The following FSAF1 variants were observed in gnomAD, a reference collection of about 807,000 sequenced individuals.
The protein encoded by FSAF1 is 40S small subunit processome assembly factor 1, also known as uncharacterized protein C1orf131.
At chr1:231,226,309 T>A in the FSAF1 span, 1 of 194,670 alleles carries the variant, frequency 5.1e-6, no homozygotes, top group Non-Finnish European at 1.1e-5. Context: ...CTCTTTCATG[T>A]CTCGCTCTTG....
the FSAF1 span, chr1:231,229,084 A>G: frequency 2.6e-5 from 24 of 925,730 alleles, no homozygotes; most frequent in Non-Finnish European, 3.5e-5. Flanking sequence ...ATATAAACAT[A>G]CATTTATAAA....
chr1:231,241,174 G>A, the FSAF1 span: 1 of 1,586,698 alleles, frequency 6.3e-7, no homozygotes, highest in Non-Finnish European at 8.6e-7. Flanking sequence ...TCCGGGTTCC[G>A]CGACTGCGCG....
chr1:231,224,145 T>C, the FSAF1 span: 2 of 1,066,438 alleles, frequency 1.9e-6, no homozygotes, highest in Admixed American at 3.3e-5. Flanking sequence ...TTACTTCTGT[T>C]TGACTTTTTT....
At chr1:231,227,932 C>T in the FSAF1 span, among the ~76,000 whole-genome samples, 1 of 152,134 alleles carries the variant, frequency 6.6e-6, no homozygotes, top group South Asian at 2.1e-4. Context: ...AGAATTATCT[C>T]TGCACAAAGT....
the FSAF1 span, among the ~76,000 whole-genome samples, chr1:231,227,673 C>T: frequency 1.4e-5 from 2 of 147,204 alleles, no homozygotes; most frequent in South Asian, 4.5e-4. Context: ...ACTGCAAGCT[C>T]TGCCTCCTGG....
chr1:231,241,115 G>T, the FSAF1 span: 1 of 1,613,346 alleles, frequency 6.2e-7, no homozygotes, highest in South Asian at 1.1e-5. Flanking sequence ...GCGACATTGT[G>T]GGGTCAGCCG....
At chr1:231,228,472 G>A in the FSAF1 span, among the ~76,000 whole-genome samples, 4 of 151,818 alleles carry the variant, frequency 2.6e-5, no homozygotes, top group Non-Finnish European at 5.9e-5. Context: ...GGTGGCACAC[G>A]CCTGTAATCC....
chr1:231,225,866 G>GT, the FSAF1 span: 1 of 298,304 alleles, frequency 3.4e-6, no homozygotes. Context: ...GCTATTCCAG[G>GT]TAAGACTAAT....
the FSAF1 span, chr1:231,224,288 C>G: frequency 6.2e-7 from 1 of 1,606,748 alleles, no homozygotes; most frequent in Non-Finnish European, 8.5e-7. Flanking sequence ...TTCATTTGGC[C>G]ACTCTGGAAG....
chr1:231,229,687 A>C, the FSAF1 span, among the ~76,000 whole-genome samples: 1 of 152,242 alleles, frequency 6.6e-6, no homozygotes, highest in African/African-American at 2.4e-5. Context: ...CTCCTAACCC[A>C]TGCTACATGG....
At chr1:231,225,649 T>C in the FSAF1 span, 3 of 849,628 alleles carry the variant, frequency 3.5e-6, no homozygotes, top group East Asian at 5.1e-5. Context: ...AGTGGGCATA[T>C]TAAACATAAC....
the FSAF1 span, chr1:231,224,104 C>G: frequency 1.4e-6 from 1 of 701,644 alleles, no homozygotes; most frequent in African/African-American, 1.8e-5. Context: ...CGTTCAGCAC[C>G]ATGAAGCAGA....
At chr1:231,229,816 T>C in the FSAF1 span, among the ~76,000 whole-genome samples, 1 of 151,988 alleles carries the variant, frequency 6.6e-6, no homozygotes, top group Non-Finnish European at 1.5e-5. Flanking sequence ...GCTAGAATGG[T>C]GGCTGCCAGG....
the FSAF1 span, chr1:231,239,078 C>T: frequency 2.5e-6 from 4 of 1,614,046 alleles, no homozygotes; most frequent in Admixed American, 6.7e-5. Context: ...ATGAGAGAAC[C>T]AGGTAGGGGA....
the FSAF1 span, among the ~76,000 whole-genome samples, chr1:231,235,054 C>A: frequency 2.0e-4 from 31 of 152,314 alleles, no homozygotes; most frequent in South Asian, 6.2e-3. Context: ...GTACAGTATA[C>A]TCCATAAAGG....
chr1:231,226,774 CT>C, the FSAF1 span: 1 of 1,609,930 alleles, frequency 6.2e-7, no homozygotes, highest in Non-Finnish European at 8.5e-7. Context: ...GCCTTTTTTT[CT>C]TTAATTTGCT....
the FSAF1 span, chr1:231,229,259 T>C: frequency 2.0e-5 from 25 of 1,259,444 alleles, no homozygotes; most frequent in African/African-American, 2.4e-4. Context: ...ATCATTATAG[T>C]ATCTATCACC....
At chr1:231,240,119 T>G in the FSAF1 span, among the ~76,000 whole-genome samples, 171 of 152,348 alleles carry the variant, frequency 1.1e-3, 1 homozygote, top group African/African-American at 3.8e-3. The surrounding 1 kb of genome is among the most constrained non-coding windows in gnomAD (Gnocchi z 4.1). Flanking sequence ...TCAGGTTTCA[T>G]GAACTTCTAG....
At chr1:231,241,067 A>C in the FSAF1 span, 2 of 1,614,194 alleles carry the variant, frequency 1.2e-6, no homozygotes, top group East Asian at 2.2e-5. Context: ...GAAGTGTCGG[A>C]GAACTGGGAG....
Sources: gnomAD v4.1 joint callset for allele counts (sites outside exome capture counted in the v4.1 genomes callset) on GRCh38, gnomAD v4.1.1 for gene constraint, Gnocchi (gnomAD v3.1) non-coding constraint, MANE v1.5 for transcripts, NCBI Gene and HGNC (gene_info 2026-07-23, HGNC 2026-07-21) for gene names.